Variants in CYP2C19 observed in about 807,000 individuals in gnomAD.
CYP2C19 encodes the protein cytochrome P450 2C19.
A neutral mutation model predicts 40.9 loss-of-function variants in CYP2C19; 59 were observed. That is an observed-to-expected ratio of 1.44 (90% CI 1.17 to 1.79). The LOEUF (loss-of-function observed/expected upper bound fraction) is 1.79, where lower values mean the gene tolerates loss of function less well. Among genes scored for constraint, CYP2C19 ranks in the 40% most tolerant of loss-of-function variants. The pLI is 0.00. For missense variants in CYP2C19, 754 were observed against 596.9 expected, an observed-to-expected ratio of 1.26 and a Z score of -2.74; for synonymous variants, 253 against 208.7, an observed-to-expected ratio of 1.21 and a Z score of -1.83.
chr10:94,846,083 T>C (rs1348184713), intron 7 of CYP2C19, among the ~76,000 whole-genome samples: 1 of 152,116 alleles, frequency 6.6e-6, no homozygotes, highest in African/African-American at 2.4e-5. Flanking sequence ...TATTTAAAAT[T>C]TCCCAATTCT....
chr10:94,810,424 C>A (rs1848902858), intron 5 of CYP2C19, among the ~76,000 whole-genome samples: 1 of 152,090 alleles, frequency 6.6e-6, no homozygotes, highest in Non-Finnish European at 1.5e-5. Context: ...AAGAGTCTGT[C>A]TTTTTCTACT....
At chr10:94,844,679 A>G (rs749044205) in intron 7 of CYP2C19, among the ~76,000 whole-genome samples, 5 of 152,198 alleles carry the variant, frequency 3.3e-5, no homozygotes, top group Non-Finnish European at 5.9e-5. Context: ...ATTTACCAAG[A>G]GATTATGGGG....
intron 6 of CYP2C19, among the ~76,000 whole-genome samples, chr10:94,835,734 T>C (rs1042151581): frequency 2.3e-4 from 35 of 152,178 alleles, no homozygotes; most frequent in African/African-American, 1.9e-4. Flanking sequence ...TATTGCTTCA[T>C]GGACATGGAA....
At chr10:94,820,661 A>G (rs1849103322) in intron 6 of CYP2C19, 24 bp downstream of exon 6, 14 of 1,614,060 alleles carry the variant, frequency 8.7e-6, no homozygotes, top group Non-Finnish European at 1.1e-5. Flanking sequence ...GGATGAGTTA[A>G]TTGAGTTTTA....
intron 6 of CYP2C19, among the ~76,000 whole-genome samples, chr10:94,838,682 T>G (rs11528090): frequency 0.17 from 26,375 of 151,628 alleles, 2,472 homozygotes; most frequent in East Asian, 0.37. Context: ...GGGGAAGGAG[T>G]CAGGGGGACA....
intron 7 of CYP2C19, among the ~76,000 whole-genome samples, chr10:94,846,863 T>A (rs1331046507): frequency 6.6e-6 from 1 of 151,662 alleles, no homozygotes; most frequent in Non-Finnish European, 1.5e-5. Flanking sequence ...TAATCTGTAA[T>A]GAATATCTCT....
intron 8 of CYP2C19, among the ~76,000 whole-genome samples, chr10:94,850,318 A>C (rs961542076): frequency 3.3e-5 from 5 of 152,116 alleles, no homozygotes; most frequent in Non-Finnish European, 7.4e-5. Context: ...CTCTAGATAC[A>C]CCACTGAGGT....
intron 4 of CYP2C19, among the ~76,000 whole-genome samples, chr10:94,781,062 TA>T (rs943964864): frequency 6.6e-6 from 1 of 152,108 alleles, no homozygotes; most frequent in Non-Finnish European, 1.5e-5. Context: ...TATCCTAATC[TA>T]AAAGACATTA....
At chr10:94,845,608 T>C (rs893732793) in intron 7 of CYP2C19, among the ~76,000 whole-genome samples, 1 of 152,218 alleles carries the variant, frequency 6.6e-6, no homozygotes, top group Admixed American at 6.5e-5. Flanking sequence ...TTAGCTCTTA[T>C]ATTTACATCA....
intron 1 of CYP2C19, among the ~76,000 whole-genome samples, chr10:94,767,252 C>T (rs1848258339): frequency 6.6e-6 from 1 of 152,132 alleles, no homozygotes; most frequent in Non-Finnish European, 1.5e-5. Context: ...GCCTTCTTGA[C>T]CTTCCCTGAG....
chr10:94,847,950 G>T lies in CYP2C19; in HGVS notation c.1150-1967G>T, dbSNP rs375853676. ...TTTGTTTTTTTCTTGTAAATTTGTT[G>T]GAGTTCATTGTAGATTCTGGATATT... On this transcript the variant is annotated intron_variant, in intron 7 of 8. Coordinates refer to ENST00000371321, the MANE Select transcript of CYP2C19 (RefSeq NM_000769.4). Among the ~76,000 whole-genome samples, 34 of 151,786 alleles carry T rather than the reference G, an allele frequency of 2.2e-4. No individual in the cohort carries two copies. In the East Asian group the frequency reaches 3.3e-3, roughly 15 times the overall value.
At chr10:94,821,590 T>C (rs539944057) in intron 6 of CYP2C19, among the ~76,000 whole-genome samples, 1 of 152,310 alleles carries the variant, frequency 6.6e-6, no homozygotes, top group African/African-American at 2.4e-5. Flanking sequence ...AATAAGAATA[T>C]TTTTGGGGGG....
At chr10:94,803,859 C>T (rs918164873) in intron 5 of CYP2C19, among the ~76,000 whole-genome samples, 2 of 152,128 alleles carry the variant, frequency 1.3e-5, no homozygotes, top group Non-Finnish European at 2.9e-5. Context: ...GGCTGACAAT[C>T]CAGGTGAGCA....
chr10:94,799,150 C>G (rs1305257921), intron 5 of CYP2C19, among the ~76,000 whole-genome samples: 1 of 151,896 alleles, frequency 6.6e-6, no homozygotes, highest in Non-Finnish European at 1.5e-5. Flanking sequence ...TGGTTTGTTC[C>G]TTTCCATGTT....
intron 4 of CYP2C19, among the ~76,000 whole-genome samples, chr10:94,781,204 G>GT (rs1262768104): frequency 2.6e-5 from 4 of 152,028 alleles, no homozygotes; most frequent in African/African-American, 7.2e-5. Context: ...AAAAATTATT[G>GT]TTTTTTTGGT....
At chr10:94,828,492 C>T (rs1030076792) in intron 6 of CYP2C19, among the ~76,000 whole-genome samples, 2 of 143,754 alleles carry the variant, frequency 1.4e-5, no homozygotes, top group Non-Finnish European at 3.0e-5. Flanking sequence ...CAACCCCTGC[C>T]TTTTTTTGTT....
rs912049634 is a variant in CYP2C19 at position 94,806,724 on chromosome 10, ATAT to A, written c.820-13764_820-13762del. On this transcript the variant is annotated intron_variant, in intron 5 of 8. Coordinates refer to ENST00000371321, the MANE Select transcript of CYP2C19 (RefSeq NM_000769.4). Reference sequence around the variant, plus strand: ...TATATTATATAACATATATAAAAGTATATTATTATTGATATATTATAAATTTAT... The same window carrying A: ...TATATTATATAACATATATAAAAGTATATTATTGATATATTATAAATTTAT... Among the ~76,000 whole-genome samples the A allele has an allele frequency of 5.9e-4, 88 of 148,612 alleles. 2 individuals are homozygous for A. The highest frequency in any genetic ancestry group is 2.7e-3 in the South Asian group (13 of 4,780).
chr10:94,832,019 G>A (rs1166067196), intron 6 of CYP2C19, among the ~76,000 whole-genome samples: 4 of 152,124 alleles, frequency 2.6e-5, no homozygotes, highest in Admixed American at 2.0e-4. Flanking sequence ...TTTTCCTATA[G>A]TATTTTCACA....
chr10:94,820,785 A>T, intron 6 of CYP2C19, 148 bp downstream of exon 6: 2 of 1,053,556 alleles, frequency 1.9e-6, no homozygotes, highest in Non-Finnish European at 2.8e-6. Context: ...TAATGGTGTG[A>T]TTAAAATGGA....
Sources: gnomAD v4.1 joint callset for allele counts (sites outside exome capture counted in the v4.1 genomes callset) on GRCh38, gnomAD v4.1.1 for gene constraint, MANE v1.5 for transcripts, NCBI Gene and HGNC (gene_info 2026-07-23, HGNC 2026-07-21) for gene names.